Variants in PRICKLE2 observed in about 807,000 individuals in gnomAD.
The protein encoded by PRICKLE2 is prickle-like protein 2.
PRICKLE2 carries 21 observed loss-of-function variants against 81.4 expected under a neutral mutation model. That is an observed-to-expected ratio of 0.26 (90% CI 0.18 to 0.37). The LOEUF is 0.37. Among genes scored for constraint, PRICKLE2 ranks in the 10% least tolerant of loss-of-function variants. The pLI is 1.00. For missense variants in PRICKLE2, 940 were observed against 1,109.0 expected (o/e 0.85, Z 2.16); for synonymous variants, 456 against 421.5 (o/e 1.08, Z -1.00).
intron 7 of PRICKLE2, among the ~76,000 whole-genome samples, chr3:64,135,732 A>C (rs888250049): frequency 6.6e-6 from 1 of 151,632 alleles, no homozygotes; most frequent in Non-Finnish European, 1.5e-5. Flanking sequence ...ACGCACACAC[A>C]CCTGCGTGCA....
chr3:64,099,063 A>G lies in PRICKLE2; in HGVS notation c.2523T>C (p.Cys841=). The part of the protein sequence containing the change: ...HSRKRQKSKN[C]IIS Reference sequence around the variant, plus strand: ...GATCCCAATCATATTAAGAAATGATACAGTTTTTGCTCTTCTGTCTTTTCC... The same window carrying G: ...GATCCCAATCATATTAAGAAATGATGCAGTTTTTGCTCTTCTGTCTTTTCC... The change falls in exon 8 of 8, where the codon TGT becomes TGC. Residue 841 remains cysteine, a synonymous_variant. Transcript: ENST00000638394. This position sits in a 1 kb window ranked among gnomAD's most constrained non-coding sequence, Gnocchi z 4.3. 2 of 1,614,222 alleles carry G rather than the reference A, an allele frequency of 1.2e-6. No homozygotes were observed. The highest frequency in any genetic ancestry group is 1.7e-6 in the Non-Finnish European group (2 of 1,180,030).
intron 2 of PRICKLE2, among the ~76,000 whole-genome samples, chr3:64,238,600 G>A (rs761212376): frequency 2.0e-5 from 3 of 152,166 alleles, no homozygotes; most frequent in Non-Finnish European, 4.4e-5. Flanking sequence ...CTGTAAGAGG[G>A]AGAAAAGGTC....
chr3:64,265,845 A>G (rs1231917002), intron 2 of PRICKLE2, among the ~76,000 whole-genome samples: 1 of 152,212 alleles, frequency 6.6e-6, no homozygotes, highest in African/African-American at 2.4e-5. Context: ...AAAAGAAGCC[A>G]AGAGTTTTTC....
At chr3:64,146,594 T>A in intron 7 of PRICKLE2, 1 of 491,748 alleles carries the variant, frequency 2.0e-6, no homozygotes, top group Admixed American at 3.3e-5. Flanking sequence ...TACAAAAAAA[T>A]TAGCCAGGCA....
At chr3:64,247,290 T>C (rs1257914411) in intron 2 of PRICKLE2, among the ~76,000 whole-genome samples, 2 of 152,232 alleles carry the variant, frequency 1.3e-5, no homozygotes, top group Admixed American at 6.5e-5. Context: ...TTACTATGCA[T>C]GCATTTTAAT....
chr3:64,131,786 G>A (rs568994043), intron 7 of PRICKLE2, among the ~76,000 whole-genome samples: 2 of 152,184 alleles, frequency 1.3e-5, no homozygotes, highest in African/African-American at 2.4e-5. Context: ...TGGTATTCCC[G>A]ACCTACTGCC....
intron 2 of PRICKLE2, among the ~76,000 whole-genome samples, chr3:64,182,422 G>C (rs1479836191): frequency 6.6e-6 from 1 of 152,010 alleles, no homozygotes; most frequent in Non-Finnish European, 1.5e-5. Context: ...TGAGTGCAGG[G>C]AGGTTGAAGC....
At chr3:64,259,046 C>A (rs752616256) in intron 2 of PRICKLE2, among the ~76,000 whole-genome samples, 1 of 151,972 alleles carries the variant, frequency 6.6e-6, no homozygotes, top group Non-Finnish European at 1.5e-5. Context: ...AGTTCACTCT[C>A]CTATATGGAT....
intron 7 of PRICKLE2, among the ~76,000 whole-genome samples, chr3:64,110,813 C>T (rs2076832261): frequency 6.6e-6 from 1 of 152,004 alleles, no homozygotes; most frequent in South Asian, 2.1e-4. Context: ...AAAGGAGCCA[C>T]ACGGAGGTTC....
At chr3:64,138,242 G>A (rs2077306899) in intron 7 of PRICKLE2, among the ~76,000 whole-genome samples, 1 of 151,882 alleles carries the variant, frequency 6.6e-6, no homozygotes, top group Admixed American at 6.6e-5. Context: ...CTGAAGTTTT[G>A]ATGGGTTTGA....
At chr3:64,157,404 C>A in intron 4 of PRICKLE2, 39 bp from the exon 5 acceptor site, 1 of 1,588,562 alleles carries the variant, frequency 6.3e-7, no homozygotes, top group African/African-American at 1.3e-5. Flanking sequence ...CACACTAGCC[C>A]CCATCTCCCA....
upstream of PRICKLE2, among the ~76,000 whole-genome samples, chr3:64,226,687 C>T (rs567290759): frequency 3.3e-5 from 5 of 152,258 alleles, no homozygotes; most frequent in Non-Finnish European, 7.3e-5. Flanking sequence ...GGCATACTAT[C>T]TACTAGGCTG....
chr3:64,117,775 C>T (rs1010921992), intron 7 of PRICKLE2, among the ~76,000 whole-genome samples: 13 of 152,092 alleles, frequency 8.5e-5, no homozygotes, highest in African/African-American at 1.4e-4. Flanking sequence ...GGCCATACTG[C>T]CCAAAGTAAT....
chr3:64,199,169 A>C, intron 1 of PRICKLE2: 2 of 619,482 alleles, frequency 3.2e-6, no homozygotes, highest in Non-Finnish European at 5.7e-6. Flanking sequence ...AACAGCATGA[A>C]AGGTCAGAGG....
chr3:64,245,488 G>A (rs1159287390), intron 2 of PRICKLE2, among the ~76,000 whole-genome samples: 2 of 152,100 alleles, frequency 1.3e-5, no homozygotes, highest in African/African-American at 2.4e-5. Flanking sequence ...GCTTCTGTTT[G>A]GAATCAGTGT....
rs1254241959 is a variant in PRICKLE2 at position 64,099,314 on chromosome 3, G to C, written c.2272C>G (p.Gln758Glu). The change falls in exon 8 of 8, where the codon CAG (glutamine) becomes GAG (glutamate). Residue 758 changes from glutamine (Q) to glutamate (E), a missense_variant. Gln to Glu is a conservative substitution (Grantham distance 29, BLOSUM62 2). Around this residue, in one of 2 missense-constraint regions of PRICKLE2, gnomAD observed 670 missense variants for 717.2 expected, o/e 0.93. Coordinates refer to ENST00000638394, the MANE Select transcript of PRICKLE2 (RefSeq NM_198859.4). The surrounding 1 kb of genome is among the most constrained non-coding windows in gnomAD (Gnocchi z 4.3). ...CCCCAGCGGTCCCCAAAGGCATTCT[G>C]CAAAGCCAGGTCCGACACAGTCCTA... is the stretch of plus-strand genomic sequence containing the variant. ...CPRTVSDLAL[Q>E]NAFGDRWGPY... 6.2e-7 allele frequency: 1 copy of C among 1,614,202 alleles called. No homozygotes were observed.
intron 5 of PRICKLE2, among the ~76,000 whole-genome samples, chr3:64,155,424 C>T (rs930665134): frequency 1.3e-5 from 2 of 151,094 alleles, no homozygotes; most frequent in African/African-American, 4.9e-5. Context: ...TTGGAATCCT[C>T]ATTCATTGAT....
intron 1 of PRICKLE2, among the ~76,000 whole-genome samples, chr3:64,218,840 G>T (rs993157413): frequency 6.6e-6 from 1 of 152,110 alleles, no homozygotes; most frequent in Admixed American, 6.6e-5. Flanking sequence ...TCCCAGGGGA[G>T]CTTGTTAAAA....
intron 2 of PRICKLE2, among the ~76,000 whole-genome samples, chr3:64,175,961 C>T (rs1314602075): frequency 2.0e-5 from 3 of 152,110 alleles, no homozygotes; most frequent in Non-Finnish European, 4.4e-5. Flanking sequence ...CCATGAAGCA[C>T]CTAGGCTCTT....
Sources: allele counts gnomAD v4.1 joint callset (sites outside exome capture counted in the v4.1 genomes callset), GRCh38; gene constraint gnomAD v4.1.1; regional missense constraint gnomAD v4.1.1; non-coding constraint Gnocchi (gnomAD v3.1); transcripts MANE v1.5; gene names NCBI Gene and HGNC (gene_info 2026-07-23, HGNC 2026-07-21).